The following GARRE1 variants were observed in gnomAD, a reference collection of about 807,000 sequenced individuals.
GARRE1 encodes the protein granule associated Rac and RHOG effector protein 1.
GARRE1 carries 49 observed loss-of-function variants against 103.2 expected under a neutral mutation model. The ratio of observed to expected loss-of-function variants is 0.47; its 90% confidence interval spans 0.38 to 0.60. GARRE1 has a LOEUF of 0.60. Ranked by LOEUF, GARRE1 falls within the 20% of genes least tolerant of loss-of-function variation. GARRE1 has a pLI of 0.00. For missense variants in GARRE1, 1,199 were observed against 1,370.5 expected (o/e 0.87, Z 1.98); for synonymous variants, 505 against 532.8 (o/e 0.95, Z 0.72).
At chr19:34,280,029 G>A (rs1470704180) in intron 1 of GARRE1, among the ~76,000 whole-genome samples, 1 of 151,418 alleles carries the variant, frequency 6.6e-6, no homozygotes, top group African/African-American at 2.4e-5. Flanking sequence ...GGCTGTACAG[G>A]AAGTATGGCA....
At position 34,319,910 on chromosome 19, in the gene GARRE1, T is replaced by C. The variant is rs1415906617; in HGVS notation, c.499T>C (p.Leu167=). 6.2e-7 allele frequency: 1 copy of C among 1,614,050 alleles called. No homozygotes were observed. The highest frequency in any genetic ancestry group is 1.3e-5 in the African/African-American group (1 of 74,950). The change falls in exon 3 of 14, where the codon TTG becomes CTG. Residue 167 remains leucine, a synonymous_variant. Coordinates refer to ENST00000299505, the MANE Select transcript of GARRE1 (RefSeq NM_014686.5). ...CCTGGCTGTCTTGTTTTCACAGGTG[T>C]TGGGGCGATGTTTCCTGACTGTGGT... ...KEFSLQDIEV[L]GRCFLTVVQV... is the part of the protein sequence containing the mutation.
At chr19:34,331,747 A>G (rs1367071537) in intron 7 of GARRE1, among the ~76,000 whole-genome samples, 1 of 152,106 alleles carries the variant, frequency 6.6e-6, no homozygotes, top group Admixed American at 6.5e-5. Flanking sequence ...TAATCCCAAC[A>G]CTTTGGGAGG....
chr19:34,265,743 A>G (rs1207568301), intron 1 of GARRE1: 1 of 152,248 alleles, frequency 6.6e-6, no homozygotes, highest in Non-Finnish European at 1.5e-5. Context: ...CTATCTTCTT[A>G]CTAATCCACG....
At position 34,305,765 on chromosome 19, in the gene GARRE1, G is replaced by A. The variant is rs2074004829; in HGVS notation, c.495+4797G>A. Reference sequence around the variant, plus strand: ...GCATTGACCACTGAAGCTGAGAACGGGAAATACTTATTGTTGTAGTTTGGA... The same window carrying A: ...GCATTGACCACTGAAGCTGAGAACGAGAAATACTTATTGTTGTAGTTTGGA... On this transcript the variant is annotated intron_variant, in intron 2 of 13. Coordinates refer to ENST00000299505, the MANE Select transcript of GARRE1 (RefSeq NM_014686.5). Among the ~76,000 whole-genome samples, 7 of 152,318 alleles carry A rather than the reference G, an allele frequency of 4.6e-5. No homozygotes were observed. The South Asian group carries it at 1.4e-3, about 32-fold the overall frequency.
chr19:34,340,292 T>C (rs2074179885), intron 9 of GARRE1, among the ~76,000 whole-genome samples: 1 of 152,208 alleles, frequency 6.6e-6, no homozygotes, highest in African/African-American at 2.4e-5. Flanking sequence ...ATTCTCCTTA[T>C]GAATTAAGAA....
At chr19:34,286,658 C>T (rs559154597) in intron 1 of GARRE1, among the ~76,000 whole-genome samples, 14 of 151,576 alleles carry the variant, frequency 9.2e-5, no homozygotes, top group Admixed American at 6.6e-4. Context: ...CCCGCTACCA[C>T]GCCGGGCTAA....
intron 8 of GARRE1, among the ~76,000 whole-genome samples, chr19:34,337,971 C>T (rs2074168620): frequency 6.6e-6 from 1 of 152,180 alleles, no homozygotes; most frequent in Non-Finnish European, 1.5e-5. Flanking sequence ...GGCTCAGCTG[C>T]CAAGATTCTC....
intron 2 of GARRE1, among the ~76,000 whole-genome samples, chr19:34,307,799 A>ATAT (rs1372965326): frequency 4.3e-4 from 51 of 118,466 alleles, no homozygotes; most frequent in East Asian, 7.5e-4. Context: ...CTATAAAAAA[A>ATAT]AAATATATAT....
chr19:34,307,707 TTATATATATAC>T (rs1412047929), intron 2 of GARRE1, among the ~76,000 whole-genome samples: 35 of 69,096 alleles, frequency 5.1e-4, no homozygotes, highest in Non-Finnish European at 1.0e-3. Context: ...ACATATATAC[TTATATATATAC>T]TATATATACA....
intron 1 of GARRE1, among the ~76,000 whole-genome samples, chr19:34,267,710 G>T (rs559014213): frequency 6.7e-6 from 1 of 149,566 alleles, no homozygotes. Context: ...TCTAACTGGT[G>T]TAGACTGTTG....
chr19:34,340,898 G>A (rs1052427089), intron 9 of GARRE1, among the ~76,000 whole-genome samples: 4 of 152,162 alleles, frequency 2.6e-5, no homozygotes, highest in Admixed American at 2.6e-4. Context: ...GCCTTCACCT[G>A]CCTCAGCTCC....
chr19:34,297,101 A>G (rs1372328692), intron 1 of GARRE1, among the ~76,000 whole-genome samples: 1 of 152,186 alleles, frequency 6.6e-6, no homozygotes, highest in Non-Finnish European at 1.5e-5. Flanking sequence ...GGCCTGGCCA[A>G]TATGGCGAAA....
At chr19:34,278,681 A>T (rs1392401913) in intron 1 of GARRE1, among the ~76,000 whole-genome samples, 2 of 145,762 alleles carry the variant, frequency 1.4e-5, no homozygotes, top group African/African-American at 2.5e-5. Context: ...TCCTTCATTA[A>T]TTTTTTTTTT....
intron 1 of GARRE1, among the ~76,000 whole-genome samples, chr19:34,277,264 C>G (rs914312202): frequency 2.6e-5 from 4 of 151,908 alleles, no homozygotes; most frequent in African/African-American, 9.7e-5. Flanking sequence ...GTGCCAGGGA[C>G]CATTGGATAT....
intron 1 of GARRE1, chr19:34,296,310 T>G: frequency 2.5e-6 from 2 of 794,708 alleles, no homozygotes; most frequent in Admixed American, 1.9e-5. Context: ...CTGGGCACCT[T>G]TGGGAGCTTG....
At chr19:34,322,581 A>T (rs2145262663) in intron 3 of GARRE1, among the ~76,000 whole-genome samples, 1 of 152,252 alleles carries the variant, frequency 6.6e-6, no homozygotes, top group African/African-American at 2.4e-5. Context: ...CATTTTACAG[A>T]GTAAAAGATA....
chr19:34,300,630 C>T lies in GARRE1; in HGVS notation c.157C>T (p.Pro53Ser), dbSNP rs2073973333. ...APLASTATTAPLGSLTAAGSC... is the reference protein window; with the variant it reads ...APLASTATTASLGSLTAAGSC... The stretch of plus-strand genomic sequence containing the variant: ...CCTGGCATCCACGGCCACCACTGCC[C>T]CCCTGGGCAGTCTGACCGCTGCAGG... The change falls in exon 2 of 14, where the codon CCC becomes TCC. Residue 53 changes from proline (P) to serine (S), a missense_variant. Physicochemically the swap from Pro to Ser is moderately conservative, Grantham distance 74. Transcript: ENST00000299505. 6.2e-7 allele frequency: 1 copy of T among 1,613,748 alleles called. No individual in the cohort carries two copies. Among genetic ancestry groups the T allele is most frequent in the Non-Finnish European group, 8.5e-7 (1 of 1,180,040 alleles).
chr19:34,329,913 A>G (rs1471259360), intron 6 of GARRE1, among the ~76,000 whole-genome samples: 1 of 152,112 alleles, frequency 6.6e-6, no homozygotes, highest in African/African-American at 2.4e-5. Flanking sequence ...CTCCACGTCT[A>G]CAAAAAATTT....
In GARRE1 at chr19:34,341,549, C is replaced by T; in HGVS notation, c.1615C>T (p.Leu539=). 1 of 1,614,182 alleles carries T rather than the reference C, an allele frequency of 6.2e-7. No homozygotes were observed. The part of the protein sequence containing the change: ...SGGLQKTFSK[L]TSRFTKKASC... ...TGGCCTGCAGAAGACATTCTCCAAA[C>T]TGACATCCCGGTTCACCAAGAAAGC... Residue 539 remains leucine, a synonymous_variant, in exon 10 of 14, where the codon CTG becomes TTG. Transcript: ENST00000299505.
Sources: gnomAD v4.1 joint callset for allele counts (sites outside exome capture counted in the v4.1 genomes callset) on GRCh38, gnomAD v4.1.1 for gene constraint, MANE v1.5 for transcripts, NCBI Gene and HGNC (gene_info 2026-07-23, HGNC 2026-07-21) for gene names.